Variants in TRIO observed in about 807,000 individuals in gnomAD.
The protein encoded by TRIO is triple functional domain protein.
TRIO carries 58 observed loss-of-function variants against 351.9 expected under a neutral mutation model. That is an observed-to-expected ratio of 0.16 (90% CI 0.13 to 0.21). TRIO has a LOEUF of 0.21. Ranked by LOEUF, TRIO falls within the 10% of genes least tolerant of loss-of-function variation. The probability of loss-of-function intolerance (pLI) is 1.00; values close to 1 mark genes in which losing one functional copy is unlikely to be tolerated. For missense variants in TRIO, 3,201 were observed against 4,027.8 expected (o/e 0.79, Z 5.56); for synonymous variants, 1,758 against 1,595.7 (o/e 1.10, Z -2.42).
At chr5:14,397,483 C>CT (rs1472030424) in intron 29 of TRIO, 4 of 217,202 alleles carry the variant, frequency 1.8e-5, no homozygotes, top group Non-Finnish European at 3.7e-5. Context: ...AACCCCAGGA[C>CT]TGTAAAATCC....
chr5:14,331,859 G>A (rs1740932022), intron 10 of TRIO, among the ~76,000 whole-genome samples: 1 of 152,202 alleles, frequency 6.6e-6, no homozygotes, highest in Non-Finnish European at 1.5e-5. Context: ...CATGCTAATT[G>A]ATGTGTATGT....
chr5:14,427,632 C>T (rs895008179), intron 34 of TRIO, among the ~76,000 whole-genome samples: 1 of 152,160 alleles, frequency 6.6e-6, no homozygotes, highest in African/African-American at 2.4e-5. Flanking sequence ...GGGAGCCTCA[C>T]CTCTACCCAC....
chr5:14,456,675 C>G (rs553098246), intron 34 of TRIO, among the ~76,000 whole-genome samples: 1 of 152,310 alleles, frequency 6.6e-6, no homozygotes, highest in African/African-American at 2.4e-5. Context: ...AAGATCTTCC[C>G]ATGGAGACTT....
chr5:14,482,727 A>C lies in TRIO; in HGVS notation c.6611A>C (p.Lys2204Thr), dbSNP rs141648983. ...ATATTCAGCGAACCACTTGATAAAA[A>C]GAAGGGCTTCTCCATGCCGGGATTC... ...IVIFSEPLDK[K>T]KGFSMPGFLF... The change falls in exon 46 of 57, where the codon AAG becomes ACG. Residue 2204 changes from lysine (K) to threonine (T), a missense_variant. Physicochemically the swap from Lys to Thr is moderately conservative, Grantham distance 78 (BLOSUM62 -1). This residue lies in a region of TRIO where 1,089 missense variants were observed against 954.9 expected (regional missense o/e 1.14). Transcript: ENST00000344204. The C allele has an allele frequency of 2.2e-5, 36 of 1,610,074 alleles. No homozygotes were observed. The highest frequency in any genetic ancestry group is 2.2e-5 in the East Asian group (1 of 44,736).
rs539404101 is a variant in TRIO at position 14,375,410 on chromosome 5, A to T, written c.3331+1067A>T. On this transcript the variant is annotated intron_variant, in intron 19 of 56. Coordinates refer to ENST00000344204, the MANE Select transcript of TRIO (RefSeq NM_007118.4). The stretch of plus-strand genomic sequence containing the variant: ...GTCCTTTTTAGGTTGCGCTAGTTTG[A>T]CACACGTTTTTGTGTGAGAGGGAGA... 4.4e-3 allele frequency among the ~76,000 whole-genome samples: 677 copies of T among 152,256 alleles called. 3 individuals carry two copies. Among genetic ancestry groups the T allele is most frequent in the Non-Finnish European group, 8.2e-3 (559 of 68,024 alleles).
At chr5:14,498,833 G>C (rs760541572) in intron 53 of TRIO, 193 bp downstream of exon 53, 1 of 742,886 alleles carries the variant, frequency 1.3e-6, no homozygotes, top group Non-Finnish European at 2.0e-6. Flanking sequence ...GTGACCTCTC[G>C]GCACCTTATG....
chr5:14,257,497 T>C (rs1795091387), intron 1 of TRIO, among the ~76,000 whole-genome samples: 1 of 152,168 alleles, frequency 6.6e-6, no homozygotes, highest in Non-Finnish European at 1.5e-5. Context: ...CTGGTTGTAT[T>C]CTGGCTGGCC....
At chr5:14,229,946 A>G (rs1374023609) in intron 1 of TRIO, among the ~76,000 whole-genome samples, 2 of 152,210 alleles carry the variant, frequency 1.3e-5, no homozygotes, top group Non-Finnish European at 2.9e-5. Context: ...GAAAAAAGAA[A>G]GAGGTGCAAA....
intron 1 of TRIO, among the ~76,000 whole-genome samples, chr5:14,148,755 A>T (rs1404088096): frequency 2.0e-5 from 3 of 152,188 alleles, no homozygotes; most frequent in African/African-American, 7.2e-5. Flanking sequence ...TCTTCCAAGT[A>T]CTCAGCTGCG....
At chr5:14,270,933 C>A in intron 2 of TRIO, 34 bp downstream of exon 2, 2 of 1,473,478 alleles carry the variant, frequency 1.4e-6, no homozygotes, top group Middle Eastern at 1.7e-4. Flanking sequence ...CTCTATCCAA[C>A]TGCTCTGACA....
chr5:14,405,063 A>G (rs1374540550), intron 31 of TRIO, among the ~76,000 whole-genome samples: 2 of 152,138 alleles, frequency 1.3e-5, no homozygotes, highest in Non-Finnish European at 2.9e-5. Flanking sequence ...CAGAAAGAAA[A>G]AAAAAACCTC....
In TRIO at chr5:14,479,224, T is replaced by C. The variant is rs60286979; in HGVS notation, c.6154-37T>C. On this transcript the variant is annotated intron_variant, in intron 41 of 56. Coordinates refer to ENST00000344204, the MANE Select transcript of TRIO (RefSeq NM_007118.4). ...TCGTGTATTCTAATCGAATTTCCCA[T>C]TGTTATAACCCAACTGTTTGCCTTT... 11,226 of 1,556,620 alleles carry C rather than the reference T, an allele frequency of 7.2e-3. 675 individuals are homozygous for C. In the African/African-American group the frequency reaches 0.13, roughly 19 times the overall value.
At chr5:14,304,227 A>G (rs948956476) in intron 7 of TRIO, among the ~76,000 whole-genome samples, 5 of 152,182 alleles carry the variant, frequency 3.3e-5, no homozygotes, top group African/African-American at 9.7e-5. Flanking sequence ...CAGTTGAGGC[A>G]TTCATCTGAA....
chr5:14,427,264 C>A (rs975526715), intron 34 of TRIO, among the ~76,000 whole-genome samples: 3 of 152,264 alleles, frequency 2.0e-5, no homozygotes, highest in South Asian at 4.1e-4. Flanking sequence ...GGCCAGTGGC[C>A]CCACCACCAT....
chr5:14,357,001 G>A (rs1248479622), intron 11 of TRIO, among the ~76,000 whole-genome samples: 5 of 152,236 alleles, frequency 3.3e-5, no homozygotes, highest in African/African-American at 1.2e-4. Context: ...GCTTTGAGGT[G>A]AGGGAGAGGC....
chr5:14,271,028 T>A (rs939209203), intron 2 of TRIO, 129 bp downstream of exon 2: 1 of 694,278 alleles, frequency 1.4e-6, no homozygotes, highest in African/African-American at 1.8e-5. Flanking sequence ...TGAATGGCTT[T>A]ATTCTTGTAG....
chr5:14,244,169 TCTTAATAA>T (rs1274794687), intron 1 of TRIO, among the ~76,000 whole-genome samples: 1 of 152,254 alleles, frequency 6.6e-6, no homozygotes, highest in Admixed American at 6.5e-5. Flanking sequence ...TGAAGGTAGA[TCTTAATAA>T]CTTAAAATTA....
At chr5:14,499,814 GGCCGA>G (rs1757148963) in intron 53 of TRIO, among the ~76,000 whole-genome samples, 1 of 151,954 alleles carries the variant, frequency 6.6e-6, no homozygotes, top group Admixed American at 6.6e-5. Flanking sequence ...CGCTTTGGGA[GGCCGA>G]GGTGGGTGGA....
chr5:14,338,929 T>C (rs905489845), intron 11 of TRIO, among the ~76,000 whole-genome samples: 37 of 152,076 alleles, frequency 2.4e-4, no homozygotes, highest in African/African-American at 8.5e-4. Flanking sequence ...GAGGTAAGGG[T>C]CTAGCTTCCT....
Sources: gnomAD v4.1 joint callset for allele counts (sites outside exome capture counted in the v4.1 genomes callset) on GRCh38, gnomAD v4.1.1 for gene constraint, gnomAD v4.1.1 regional missense constraint, MANE v1.5 for transcripts, NCBI Gene and HGNC (gene_info 2026-07-23, HGNC 2026-07-21) for gene names.